ABHD5: variants seen among roughly 807,000 people sequenced by gnomAD.
ABHD5 encodes the protein abhydrolase domain containing 5, lysophosphatidic acid acyltransferase, also known as 1-acylglycerol-3-phosphate O-acyltransferase ABHD5.
Under a neutral mutation model 44.9 loss-of-function variants are expected in ABHD5, and 30 were observed. That is an observed-to-expected ratio of 0.67 (90% CI 0.50 to 0.91). The LOEUF is 0.91. Among genes scored for constraint, ABHD5 ranks in the 40% least tolerant of loss-of-function variants. The probability of loss-of-function intolerance (pLI) is 0.00; values close to 1 mark genes in which losing one functional copy is unlikely to be tolerated. For missense variants in ABHD5, 399 were observed against 423.4 expected (o/e 0.94, Z 0.50); for synonymous variants, 167 against 147.0 (o/e 1.14, Z -0.99).
rs1488044546 is a variant in ABHD5, at chr3:43,721,053, A to G, written c.*2521A>G. 1 of 152,210 alleles carries G rather than the reference A, an allele frequency of 6.6e-6. No homozygotes were observed. Among genetic ancestry groups the G allele is most frequent in the African/African-American group, 2.4e-5 (1 of 41,466 alleles). The allele number at this position is 152,210 out of a possible 1,614,324, so 9.4% of individuals were successfully genotyped here. A position where few individuals can be genotyped will look rare whatever the true frequency, so the allele number is the denominator to read the frequency against. On this transcript the variant is annotated 3_prime_UTR_variant, in exon 7 of 7. Transcript: ENST00000644371. Reference sequence around the variant, plus strand: ...TTCAATAAAACAAGAAGTACTGGAAAGAATAAACAAAAATAGCCAGAAGAT... The same window carrying G: ...TTCAATAAAACAAGAAGTACTGGAAGGAATAAACAAAAATAGCCAGAAGAT...
Position 43,718,571 on chromosome 3 carries a change from A to G in ABHD5, c.*39A>G. ...CTGATGGGAAAACCTGGTGACTGAT[A>G]TAGTTGTTCAGCAATAATTCATAGT... On this transcript the variant is annotated 3_prime_UTR_variant, in exon 7 of 7. Transcript: ENST00000644371. 1 of 1,570,648 alleles carries G rather than the reference A, an allele frequency of 6.4e-7. No individual in the cohort carries two copies. Among genetic ancestry groups the G allele is most frequent in the Non-Finnish European group, 8.8e-7 (1 of 1,140,534 alleles).
intron 1 of ABHD5, among the ~76,000 whole-genome samples, chr3:43,698,423 G>T (rs1281795288): frequency 6.6e-6 from 1 of 151,966 alleles, no homozygotes; most frequent in Non-Finnish European, 1.5e-5. Flanking sequence ...GCCATGCACC[G>T]AGCCCTTGCT....
At chr3:43,691,348 C>T in intron 1 of ABHD5, 1 of 238,768 alleles carries the variant, frequency 4.2e-6, no homozygotes, top group Admixed American at 5.6e-5. Context: ...CGCGGGCCGG[C>T]GACGGAGCTG....
chr3:43,718,628 A>G lies in ABHD5; in HGVS notation c.*96A>G, dbSNP rs145145864. The G allele has an allele frequency of 1.6e-4, 193 of 1,200,914 alleles. 2 individuals carry two copies. The African/African-American group carries it at 2.4e-3, about 15-fold the overall frequency. The allele number at this position is 1,200,914 out of a possible 1,614,324, so 74.4% of individuals were successfully genotyped here. A position where few individuals can be genotyped will look rare whatever the true frequency, so the allele number is the denominator to read the frequency against. On this transcript the variant is annotated 3_prime_UTR_variant, in exon 7 of 7. Transcript: ENST00000644371. ...TGAAGAGTAGTGAATACAACACACA[A>G]CCAGGCAGCCTTCTTGACTATACTT...
At chr3:43,692,837 CAT>C (rs1281846075) in intron 1 of ABHD5, among the ~76,000 whole-genome samples, 9 of 152,280 alleles carry the variant, frequency 5.9e-5, no homozygotes, top group Admixed American at 3.3e-4. Context: ...AATTGGGACT[CAT>C]GTGGGATGTT....
At chr3:43,716,480 C>T (rs2084764349) in intron 5 of ABHD5, among the ~76,000 whole-genome samples, 1 of 152,172 alleles carries the variant, frequency 6.6e-6, no homozygotes. Flanking sequence ...TTTCCTCCCT[C>T]ACTTTTGGCA....
chr3:43,725,860 G>GT (rs924513475), downstream of ABHD5, among the ~76,000 whole-genome samples: 11 of 146,916 alleles, frequency 7.5e-5, no homozygotes, highest in East Asian at 5.9e-4. Flanking sequence ...TTTTTTTTTT[G>GT]TTTTTTTGTT....
intron 3 of ABHD5, among the ~76,000 whole-genome samples, chr3:43,709,512 A>G (rs761767229): frequency 1.3e-5 from 2 of 152,168 alleles, no homozygotes; most frequent in African/African-American, 2.4e-5. Context: ...GAAAGAGCTT[A>G]GAGCAAGATC....
intron 1 of ABHD5, among the ~76,000 whole-genome samples, chr3:43,691,775 G>A (rs184890595): frequency 6.6e-6 from 1 of 152,322 alleles, no homozygotes; most frequent in Non-Finnish European, 1.5e-5. Context: ...TTCGGATGAA[G>A]GTCTTTGGCT....
intron 5 of ABHD5, among the ~76,000 whole-genome samples, chr3:43,717,290 G>T (rs531103699): frequency 4.7e-4 from 71 of 152,292 alleles, no homozygotes. Context: ...CTTGGTAATG[G>T]TTTTAGCATT....
In ABHD5 at chr3:43,728,169, C is replaced by A. The variant is rs113418384; in HGVS notation, c.*30-5711C>A. Among the ~76,000 whole-genome samples, 1,432 of 152,244 alleles carry A rather than the reference C, an allele frequency of 9.4e-3. 22 individuals are homozygous for A. Among genetic ancestry groups the A allele is most frequent in the African/African-American group, 0.033 (1,360 of 41,556 alleles). ...ATTGAATTCACATTTATGGTTGGAG[C>A]CATGCTGATTCATTGTAATCTAATA... On this transcript the variant is annotated intron_variant, in intron 7 of 7. Coordinates refer to the ABHD5 transcript ENST00000454293.
chr3:43,691,933 T>C (rs2084397015), intron 1 of ABHD5, among the ~76,000 whole-genome samples: 3 of 152,320 alleles, frequency 2.0e-5, no homozygotes, highest in African/African-American at 7.2e-5. Flanking sequence ...TGTGAAACTT[T>C]TTTATATACA....
chr3:43,725,865 T>C (rs1193341693), downstream of ABHD5, among the ~76,000 whole-genome samples: 1 of 151,898 alleles, frequency 6.6e-6, no homozygotes, highest in Admixed American at 6.6e-5. Flanking sequence ...TTTTTGTTTT[T>C]TTGTTTTTTT....
At chr3:43,726,027 G>A (rs144654600), downstream of ABHD5, among the ~76,000 whole-genome samples, 3,212 of 151,882 alleles carry the variant, frequency 0.021, 54 homozygotes, top group South Asian at 0.092. Flanking sequence ...CACCATGCTC[G>A]GCTAATTTTT....
Position 43,690,970 on chromosome 3 carries a change from C to A in ABHD5, c.-23C>A, listed in dbSNP as rs779262076. 11 of 1,567,944 alleles carry A rather than the reference C, an allele frequency of 7.0e-6. No individual in the cohort carries two copies. The highest frequency in any genetic ancestry group is 2.5e-5 in the East Asian group (1 of 39,498). On this transcript the variant is annotated 5_prime_UTR_variant, in exon 1 of 7. Transcript: ENST00000644371. Reference sequence around the variant, plus strand: ...CTGTCAGCCGGCTTCGAGATAAGTCCCGGCGCTTGCGCGGCGGCGGCTATG... The same window carrying A: ...CTGTCAGCCGGCTTCGAGATAAGTCACGGCGCTTGCGCGGCGGCGGCTATG...
chr3:43,712,793 C>T (rs1183148164), intron 4 of ABHD5, among the ~76,000 whole-genome samples: 1 of 152,072 alleles, frequency 6.6e-6, no homozygotes, highest in Admixed American at 6.6e-5. Context: ...TCTCACAAAT[C>T]AGCGCCCTGA....
intron 7 of ABHD5, among the ~76,000 whole-genome samples, chr3:43,730,948 C>G (rs2084909039): frequency 2.0e-5 from 3 of 152,180 alleles, no homozygotes; most frequent in Admixed American, 2.0e-4. Flanking sequence ...CCTGCCTTAG[C>G]CTCCTGAGTA....
At chr3:43,697,761 A>C (rs754062375) in intron 1 of ABHD5, among the ~76,000 whole-genome samples, 2 of 152,248 alleles carry the variant, frequency 1.3e-5, no homozygotes, top group Non-Finnish European at 2.9e-5. Flanking sequence ...GTGCAGGTCC[A>C]GGAAAATATA....
At chr3:43,712,812 A>G (rs1272289842) in intron 4 of ABHD5, among the ~76,000 whole-genome samples, 1 of 152,104 alleles carries the variant, frequency 6.6e-6, no homozygotes, top group Non-Finnish European at 1.5e-5. Flanking sequence ...GAGCAAAAAG[A>G]AATAAAAGCA....
Sources: gnomAD v4.1 joint callset for allele counts (sites outside exome capture counted in the v4.1 genomes callset) on GRCh38, gnomAD v4.1.1 for gene constraint, MANE v1.5 for transcripts, NCBI Gene and HGNC (gene_info 2026-07-23, HGNC 2026-07-21) for gene names.